The following MYOM1 variants were observed in gnomAD, a reference collection of about 807,000 sequenced individuals.
MYOM1 encodes myomesin-1.
A neutral mutation model predicts 205.3 loss-of-function variants in MYOM1; 164 were observed. That is an observed-to-expected ratio of 0.80 (90% confidence interval 0.70 to 0.91). MYOM1 has a LOEUF of 0.91. MYOM1 is among the 40% of genes least tolerant of loss of function. The probability of loss-of-function intolerance (pLI) is 0.00; values close to 1 mark genes in which losing one functional copy is unlikely to be tolerated. For synonymous variants in MYOM1, 772 were observed against 789.4 expected, an observed-to-expected ratio of 0.98 and a Z score of 0.37; for missense variants, 2,011 against 2,127.3, an observed-to-expected ratio of 0.95 and a Z score of 1.08.
At chr18:3,072,275 T>C (rs1478885907) in intron 36 of MYOM1, among the ~76,000 whole-genome samples, 2 of 150,416 alleles carry the variant, frequency 1.3e-5, no homozygotes, top group East Asian at 2.0e-4. Context: ...GGTCTTGAAC[T>C]CCTGACCTCG....
chr18:3,068,450 G>T (rs1198068471), intron 37 of MYOM1, among the ~76,000 whole-genome samples: 1 of 151,798 alleles, frequency 6.6e-6, no homozygotes, highest in Non-Finnish European at 1.5e-5. Context: ...GTTTGTGTGT[G>T]TTTCATTCTA....
At position 3,089,161 on chromosome 18, in the gene MYOM1, A is replaced by T; in HGVS notation, c.4137+13T>A. The stretch of plus-strand genomic sequence containing the variant: ...CCCTTGAATCAAATATTAAAAATTT[A>T]TCTACCTCTTACCTTGCATTTCAAT... On this transcript the variant is annotated intron_variant, in intron 29 of 37. Coordinates refer to ENST00000356443, the MANE Select transcript of MYOM1 (RefSeq NM_003803.4). The T allele has an allele frequency of 1.3e-6, 2 of 1,582,450 alleles. No individual in the cohort carries two copies. The highest frequency in any genetic ancestry group is 1.7e-6 in the Non-Finnish European group (2 of 1,157,064).
intron 19 of MYOM1, among the ~76,000 whole-genome samples, chr18:3,125,562 C>CAA (rs112746940): frequency 8.2e-5 from 6 of 73,160 alleles, no homozygotes; most frequent in Non-Finnish European, 1.2e-4. Context: ...AACTCCATCT[C>CAA]AAAAAAAAAA....
chr18:3,204,252 TAATTAACTTTTTAAA>T (rs1336598985), intron 2 of MYOM1, among the ~76,000 whole-genome samples: 2 of 151,996 alleles, frequency 1.3e-5, no homozygotes, highest in African/African-American at 4.8e-5. Context: ...CTAGTCTGGG[TAATTAACTTTTTAAA>T]AATTGAAAAG....
At chr18:3,229,126 T>C in the MYOM1 span, among the ~76,000 whole-genome samples, 8 of 152,328 alleles carry the variant, frequency 5.3e-5, no homozygotes, top group Admixed American at 4.6e-4. Context: ...ACCCAGCTCT[T>C]TTATCACCTC....
At position 3,126,760 on chromosome 18, in the gene MYOM1, C is replaced by T. The variant is rs1404497628; in HGVS notation, c.2932G>A (p.Gly978Arg). The change falls in exon 19 of 38, where the codon GGG becomes AGG. Residue 978 changes from glycine to arginine, a missense_variant. Transcript: ENST00000356443. ...GCTTCTCTCCATTTTCCTGGTACCC[C>T]ATCAATGACCTCGCGATAGTTCACA... is the stretch of plus-strand genomic sequence containing the variant. The part of the protein sequence containing the change: ...YYVNYREVID[G>R]VPGKWREANV... The T allele has an allele frequency of 6.2e-7, 1 of 1,613,902 alleles. No individual in the cohort carries two copies. The highest frequency in any genetic ancestry group is 1.7e-5 in the Admixed American group (1 of 60,018).
At chr18:3,196,592 GTTAA>G (rs2080991632) in intron 2 of MYOM1, among the ~76,000 whole-genome samples, 1 of 152,106 alleles carries the variant, frequency 6.6e-6, no homozygotes, top group Non-Finnish European at 1.5e-5. Context: ...AAAGGCAAGG[GTTAA>G]TTGTGTGTGT....
In MYOM1 at chr18:3,119,898, T is replaced by C. The variant is rs902378657; in HGVS notation, c.3089A>G (p.Lys1030Arg). Reference protein sequence around the residue: ...GAPSAVSECFKCEEWTIAVPG... With the variant: ...GAPSAVSECFRCEEWTIAVPG... ...GACGGCGATGGTCCACTCTTCACAT[T>C]TGAAGCATTCGCTTACTGCGGAGGG... The change falls in exon 20 of 38, where the codon AAA becomes AGA. Residue 1030 changes from lysine to arginine, a missense_variant. Transcript: ENST00000356443. 20 of 1,612,610 alleles carry C rather than the reference T, an allele frequency of 1.2e-5. No individual in the cohort carries two copies. In the Admixed American group the frequency reaches 1.3e-4, roughly 11 times the overall value.
rs765274326 is a variant in MYOM1, at chr18:3,094,260, G to T, written c.3774C>A (p.Gly1258=). ...SELAVEILEK[G]QVRFWMQAEK... is the part of the protein sequence containing the mutation. ...CAGCCTGCATCCAAAACCGGACCTG[G>T]CCTTTCTCCAAAATTTCAACTGCCA... Residue 1258 remains glycine (G), a synonymous_variant, in exon 26 of 38, where the codon GGC becomes GGA. Coordinates refer to ENST00000356443, the MANE Select transcript of MYOM1 (RefSeq NM_003803.4). 3 of 1,613,728 alleles carry T rather than the reference G, an allele frequency of 1.9e-6. No individual in the cohort carries two copies. The South Asian group carries it at 3.3e-5, about 18-fold the overall frequency.
chr18:3,075,433 G>GT, intron 36 of MYOM1, 21 bp downstream of exon 36: 1 of 1,606,246 alleles, frequency 6.2e-7, no homozygotes, highest in African/African-American at 1.3e-5. Flanking sequence ...CTTGTGAAAA[G>GT]TAAAAAAAAA....
At position 3,090,660 on chromosome 18, in the gene MYOM1, T is replaced by A. The variant is rs575609095; in HGVS notation, c.4007A>T (p.Asp1336Val). ...TTAATGTTCCACGGAATTCTTACCA[T>A]CTCCAACGAGAACAACAGTAGAATG... ...TNHSTVVLVG[D>V]VFKKLQKEAE... The change falls in exon 27 of 38, where the codon GAT becomes GTT. Residue 1336 changes from aspartate (D) to valine (V), a missense_variant and splice_region_variant. By Grantham distance (152) the Asp-to-Val change is radical. Transcript: ENST00000356443. 9 of 1,613,958 alleles carry A rather than the reference T, an allele frequency of 5.6e-6. No homozygotes were observed. The East Asian group carries it at 1.8e-4, about 32-fold the overall frequency.
chr18:3,147,073 T>A (rs2080135259), intron 13 of MYOM1, among the ~76,000 whole-genome samples: 2 of 143,034 alleles, frequency 1.4e-5, no homozygotes, highest in Admixed American at 1.4e-4. Context: ...ATATATATCT[T>A]ATATATAAAT....
At position 3,155,014 on chromosome 18, in the gene MYOM1, T is replaced by C; in HGVS notation, c.1576A>G (p.Ile526Val). The C allele has an allele frequency of 6.2e-7, 1 of 1,613,466 alleles. No homozygotes were observed. ...VKCLEANKDY[I>V]IISWKQPAVD... ...GCTGGCTGTTTCCAGGAGATGATGA[T>C]ATAATCTTTGTTGGCCTCCAAGCAC... is the stretch of plus-strand genomic sequence containing the variant. The change falls in exon 11 of 38, where the codon ATC becomes GTC. Residue 526 changes from isoleucine (I) to valine (V), a missense_variant. Coordinates refer to ENST00000356443, the MANE Select transcript of MYOM1 (RefSeq NM_003803.4).
chr18:3,243,969 C>T, the MYOM1 span, among the ~76,000 whole-genome samples: 2 of 152,062 alleles, frequency 1.3e-5, no homozygotes, highest in South Asian at 2.1e-4. Context: ...GGATAGTGAC[C>T]TTGTAGAAAT....
Position 3,215,239 on chromosome 18 carries a change from G to A in MYOM1, c.-16C>T. On this transcript the variant is annotated 5_prime_UTR_variant, in exon 2 of 38. Coordinates refer to ENST00000356443, the MANE Select transcript of MYOM1 (RefSeq NM_003803.4). ...GCAAAGACATCCTGTGCCCCTTGAA[G>A]GAACCGGGCCACCTGAAGGAAAACA... 1.9e-5 allele frequency: 30 copies of A among 1,593,150 alleles called. No individual in the cohort carries two copies. The highest frequency in any genetic ancestry group is 2.5e-5 in the Non-Finnish European group (29 of 1,167,826).
chr18:3,154,824 G>C lies in MYOM1; in HGVS notation c.1643+123C>G, dbSNP rs183124775. The C allele has an allele frequency of 2.7e-4, 286 of 1,046,076 alleles. 2 individuals carry two copies. The highest frequency in any genetic ancestry group is 5.2e-5 in the Non-Finnish European group (38 of 730,364). The allele number at this position is 1,046,076 out of a possible 1,614,324, so 64.8% of individuals were successfully genotyped here. A position where few individuals can be genotyped will look rare whatever the true frequency, so the allele number is the denominator to read the frequency against. On this transcript the variant is annotated intron_variant, in intron 11 of 37. Coordinates refer to ENST00000356443, the MANE Select transcript of MYOM1 (RefSeq NM_003803.4). ...AAAAAGAAAGATGAAGAGAGATACAGAAATAGAAAGAGGAGGAGAGGAAAG... is the reference window on the plus strand; with the variant it reads ...AAAAAGAAAGATGAAGAGAGATACACAAATAGAAAGAGGAGGAGAGGAAAG...
intron 23 of MYOM1, among the ~76,000 whole-genome samples, chr18:3,102,057 A>G (rs575105449): frequency 1.6e-5 from 2 of 128,300 alleles, no homozygotes; most frequent in Admixed American, 9.7e-5. Flanking sequence ...GCTGGAGTGC[A>G]GTGGCGCGAT....
intron 10 of MYOM1, among the ~76,000 whole-genome samples, chr18:3,163,026 C>CAA: frequency 1.8e-5 from 1 of 55,616 alleles, no homozygotes. Flanking sequence ...GACTCCCACT[C>CAA]AAAAAAACAA....
intron 14 of MYOM1, among the ~76,000 whole-genome samples, chr18:3,138,770 T>C (rs1285113880): frequency 6.6e-6 from 1 of 152,162 alleles, no homozygotes; most frequent in East Asian, 1.9e-4. Context: ...AACTATGCCA[T>C]GGAGTAGGTA....
Sources: gnomAD v4.1 joint callset for allele counts (sites outside exome capture counted in the v4.1 genomes callset) on GRCh38, gnomAD v4.1.1 for gene constraint, MANE v1.5 for transcripts, NCBI Gene and HGNC (gene_info 2026-07-23, HGNC 2026-07-21) for gene names.